Variants in SLC39A12 observed in about 807,000 individuals in gnomAD.
SLC39A12 encodes zinc transporter ZIP12.
Under a neutral mutation model 71.1 loss-of-function variants are expected in SLC39A12, and 63 were observed. That is an observed-to-expected ratio of 0.89 (90% CI 0.72 to 1.09). The LOEUF (loss-of-function observed/expected upper bound fraction) is 1.09, where lower values mean the gene tolerates loss of function less well. Among genes scored for constraint, SLC39A12 ranks in the 50% least tolerant of loss-of-function variants. The pLI is 0.00. For missense variants in SLC39A12, 892 were observed against 812.6 expected (o/e 1.10, Z -1.19); for synonymous variants, 351 against 301.3 (o/e 1.16, Z -1.71).
At chr10:17,985,797 AT>A (rs1447016683) in intron 6 of SLC39A12, among the ~76,000 whole-genome samples, 1 of 151,454 alleles carries the variant, frequency 6.6e-6, no homozygotes, top group Non-Finnish European at 1.5e-5. Flanking sequence ...ATATATATAT[AT>A]TTTTTCTTTC....
At chr10:17,998,682 A>G (rs933875173) in intron 10 of SLC39A12, among the ~76,000 whole-genome samples, 1 of 152,222 alleles carries the variant, frequency 6.6e-6, no homozygotes, top group Non-Finnish European at 1.5e-5. Flanking sequence ...CTAAATACCC[A>G]TGATTTTTAG....
At chr10:17,992,577 T>G (rs1835581778) in intron 8 of SLC39A12, among the ~76,000 whole-genome samples, 1 of 152,172 alleles carries the variant, frequency 6.6e-6, no homozygotes, top group Non-Finnish European at 1.5e-5. Context: ...AAATCCCCAC[T>G]TATACCCAAT....
At chr10:17,970,047 C>T (rs889425596) in intron 4 of SLC39A12, among the ~76,000 whole-genome samples, 1 of 152,172 alleles carries the variant, frequency 6.6e-6, no homozygotes, top group African/African-American at 2.4e-5. Context: ...AAGAGACTGT[C>T]TTTTCCCCAG....
chr10:18,024,128 C>G (rs760807734), intron 12 of SLC39A12, among the ~76,000 whole-genome samples: 3 of 152,120 alleles, frequency 2.0e-5, no homozygotes, highest in Non-Finnish European at 4.4e-5. Context: ...GTGGCTGTGT[C>G]GGGGTCCCAG....
intron 6 of SLC39A12, 108 bp downstream of exon 6, chr10:17,981,591 A>C (rs1389113218): frequency 1.2e-6 from 1 of 855,662 alleles, no homozygotes; most frequent in African/African-American, 1.7e-5. Flanking sequence ...AACATTTTAC[A>C]TTTATCAGCT....
Position 18,034,584 on chromosome 10 carries a change from G to T in SLC39A12, c.1948-8121G>T, listed in dbSNP as rs554995835. On this transcript the variant is annotated intron_variant, in intron 12 of 12. Coordinates refer to ENST00000377369, the MANE Select transcript of SLC39A12 (RefSeq NM_001145195.2). ...TTTCCTGAATACAGCACACTGATGGGTCTTGACTCTTTATCCAATTTGCCA... is the reference window on the plus strand; with the variant it reads ...TTTCCTGAATACAGCACACTGATGGTTCTTGACTCTTTATCCAATTTGCCA... Among the ~76,000 whole-genome samples, 353 of 151,250 alleles carry T rather than the reference G, an allele frequency of 2.3e-3. 1 individual carries two copies. Among genetic ancestry groups the T allele is most frequent in the African/African-American group, 8.2e-3 (337 of 41,282 alleles).
intron 7 of SLC39A12, among the ~76,000 whole-genome samples, chr10:17,988,843 T>A (rs1835470570): frequency 6.6e-6 from 1 of 152,216 alleles, no homozygotes; most frequent in South Asian, 2.1e-4. Context: ...CCTTCCTCCC[T>A]TTTCCCTTTC....
rs1171515574 is a variant in SLC39A12, at chr10:18,041,755, GTGTATACATA to G, written c.1948-933_1948-924del. Among the ~76,000 whole-genome samples the G allele has an allele frequency of 8.6e-5, 12 of 138,790 alleles. 1 individual carries two copies. The highest frequency in any genetic ancestry group is 7.9e-5 in the African/African-American group (3 of 37,850). 91.1% of individuals were successfully genotyped at this position (138,790 alleles called of 152,430 possible). A position where few individuals can be genotyped will look rare whatever the true frequency, so the allele number is the denominator to read the frequency against. On this transcript the variant is annotated intron_variant, in intron 12 of 12. Transcript: ENST00000377369. The stretch of plus-strand genomic sequence containing the variant: ...TATATATGTATATACATGTATATAT[GTGTATACATA>G]TGTATACATATGTATATACATATGT...
intron 11 of SLC39A12, among the ~76,000 whole-genome samples, chr10:18,001,185 A>G (rs962449877): frequency 3.7e-4 from 57 of 152,194 alleles, no homozygotes; most frequent in African/African-American, 1.4e-3. Flanking sequence ...TTTATCCATC[A>G]TGTCAGCACA....
rs910080564 is a variant in SLC39A12, at chr10:18,016,970, C to T, written c.1947+13612C>T. On this transcript the variant is annotated intron_variant, in intron 12 of 12. Coordinates refer to ENST00000377369, the MANE Select transcript of SLC39A12 (RefSeq NM_001145195.2). ...TCAGATGTTTTGCACATGTTTTCCC[C>T]AAGTCTGTGGCTTATCTTCTCATTC... is the stretch of plus-strand genomic sequence containing the variant. Among the ~76,000 whole-genome samples the T allele has an allele frequency of 2.0e-5, 3 of 152,046 alleles. No individual in the cohort carries two copies. The East Asian group carries it at 5.8e-4, about 29-fold the overall frequency.
chr10:17,963,721 C>T (rs1445302954), intron 3 of SLC39A12, among the ~76,000 whole-genome samples: 5 of 152,152 alleles, frequency 3.3e-5, no homozygotes, highest in African/African-American at 1.2e-4. Context: ...GACTAGATGG[C>T]ATGAGGTCAG....
At chr10:18,033,931 G>A (rs1221186082) in intron 12 of SLC39A12, among the ~76,000 whole-genome samples, 1 of 151,142 alleles carries the variant, frequency 6.6e-6, no homozygotes, top group Non-Finnish European at 1.5e-5. Context: ...TCAGGAGCAG[G>A]TTGTTCAGTT....
At chr10:17,997,074 A>T (rs1259564485) in intron 10 of SLC39A12, among the ~76,000 whole-genome samples, 1 of 152,130 alleles carries the variant, frequency 6.6e-6, no homozygotes, top group East Asian at 1.9e-4. Flanking sequence ...ATGCTAATGC[A>T]CCAACAATTT....
chr10:18,035,710 G>A (rs1033772685), intron 12 of SLC39A12, among the ~76,000 whole-genome samples: 5 of 152,244 alleles, frequency 3.3e-5, no homozygotes, highest in Admixed American at 1.3e-4. Flanking sequence ...TTCCGCTGGA[G>A]GAGGAGAGAT....
intron 4 of SLC39A12, among the ~76,000 whole-genome samples, chr10:17,966,914 C>T (rs1403976304): frequency 1.3e-5 from 2 of 151,538 alleles, no homozygotes; most frequent in Non-Finnish European, 2.9e-5. Context: ...GCAGAGGTTG[C>T]GGTATGTCGA....
intron 7 of SLC39A12, among the ~76,000 whole-genome samples, chr10:17,988,727 C>T (rs1277561680): frequency 6.6e-6 from 1 of 152,210 alleles, no homozygotes; most frequent in African/African-American, 2.4e-5. Flanking sequence ...GCAGTGGCAT[C>T]TGTGCCCAGC....
At chr10:18,020,807 T>A (rs1284750692) in intron 12 of SLC39A12, among the ~76,000 whole-genome samples, 1 of 152,178 alleles carries the variant, frequency 6.6e-6, no homozygotes, top group Admixed American at 6.6e-5. Context: ...GCTCATTTTT[T>A]AATGGGGCCA....
intron 12 of SLC39A12, among the ~76,000 whole-genome samples, chr10:18,010,294 A>T (rs1228706380): frequency 6.6e-6 from 1 of 152,158 alleles, no homozygotes; most frequent in African/African-American, 2.4e-5. Context: ...TTAAACATCC[A>T]CCCACAGGAA....
intron 12 of SLC39A12, among the ~76,000 whole-genome samples, chr10:18,023,050 T>G (rs984891547): frequency 6.6e-6 from 1 of 152,128 alleles, no homozygotes; most frequent in African/African-American, 2.4e-5. Context: ...GAGTGTAGGC[T>G]CCTCTCCTAC....
Sources: gnomAD v4.1 joint callset for allele counts (sites outside exome capture counted in the v4.1 genomes callset) on GRCh38, gnomAD v4.1.1 for gene constraint, MANE v1.5 for transcripts, NCBI Gene and HGNC (gene_info 2026-07-23, HGNC 2026-07-21) for gene names.